Variants in NAALADL2 observed in about 807,000 individuals in gnomAD.
The protein encoded by NAALADL2 is N-acetylated alpha-linked acidic dipeptidase like 2.
NAALADL2 carries 76 observed loss-of-function variants against 87.2 expected under a neutral mutation model. The observed-to-expected ratio is 0.87, with a 90% confidence interval of 0.72 to 1.05. The LOEUF is 1.05. Ranked by LOEUF, NAALADL2 falls within the 50% of genes least tolerant of loss-of-function variation. NAALADL2 has a pLI of 0.00. For missense variants in NAALADL2, 1,089 were observed against 945.8 expected (o/e 1.15, Z -1.99); for synonymous variants, 354 against 331.0 (o/e 1.07, Z -0.75).
chr3:174,564,499 A>G (rs1202899694), intron 2 of NAALADL2, among the ~76,000 whole-genome samples: 1 of 152,166 alleles, frequency 6.6e-6, no homozygotes, highest in African/African-American at 2.4e-5. Flanking sequence ...TGTATGGTTT[A>G]GTGATGTACA....
chr3:175,779,058 G>T (rs1750652933), intron 13 of NAALADL2, among the ~76,000 whole-genome samples: 1 of 152,176 alleles, frequency 6.6e-6, no homozygotes. Context: ...GCAAGACAGA[G>T]GGGTGTGGGC....
At chr3:174,659,797 T>C (rs1284172589) in intron 2 of NAALADL2, among the ~76,000 whole-genome samples, 1 of 152,178 alleles carries the variant, frequency 6.6e-6, no homozygotes, top group Non-Finnish European at 1.5e-5. Context: ...GGTCGTTTTT[T>C]AATAGCTCCT....
intron 5 of NAALADL2, among the ~76,000 whole-genome samples, chr3:175,388,102 T>C (rs1768621994): frequency 6.6e-6 from 1 of 152,086 alleles, no homozygotes; most frequent in South Asian, 2.1e-4. Flanking sequence ...AAGGAAACTA[T>C]GATCTCCTAT....
In NAALADL2 at chr3:175,097,002, T is replaced by C. The variant is rs774896084; in HGVS notation, c.256T>C (p.Ser86Pro). The C allele has an allele frequency of 2.5e-6, 4 of 1,613,394 alleles. No homozygotes were observed. In the East Asian group the frequency reaches 8.9e-5, roughly 36 times the overall value. ...AGAGACTATAGACCTCAATCTTGATTCCATTCAACCAGCAACTTCACCCAA... is the reference window on the plus strand; with the variant it reads ...AGAGACTATAGACCTCAATCTTGATCCCATTCAACCAGCAACTTCACCCAA... ...HSETIDLNLDSIQPATSPKGR... is the reference protein window; with the variant it reads ...HSETIDLNLDPIQPATSPKGR... The change falls in exon 2 of 14, where the codon TCC (serine) becomes CCC (proline). Residue 86 changes from serine (S) to proline (P), a missense_variant. Coordinates refer to ENST00000454872, the MANE Select transcript of NAALADL2 (RefSeq NM_207015.3).
At chr3:174,926,522 C>T (rs1034373936) in intron 1 of NAALADL2, among the ~76,000 whole-genome samples, 2 of 152,122 alleles carry the variant, frequency 1.3e-5, no homozygotes, top group African/African-American at 4.8e-5. Flanking sequence ...AGAAACTCTA[C>T]AAGCCAGAAG....
intron 1 of NAALADL2, among the ~76,000 whole-genome samples, chr3:174,454,362 C>T (rs1460193320): frequency 6.6e-6 from 1 of 151,996 alleles, no homozygotes; most frequent in African/African-American, 2.4e-5. Flanking sequence ...TATTCAGGAC[C>T]TAAACTCAGC....
chr3:175,472,650 G>A (rs1560609491), intron 9 of NAALADL2, among the ~76,000 whole-genome samples: 1 of 152,148 alleles, frequency 6.6e-6, no homozygotes, highest in Non-Finnish European at 1.5e-5. Context: ...GAAGTGTAAT[G>A]CAAACTAAAC....
At chr3:174,882,576 CTT>C (rs1729393214) in intron 1 of NAALADL2, among the ~76,000 whole-genome samples, 1 of 138,806 alleles carries the variant, frequency 7.2e-6, no homozygotes, top group African/African-American at 3.2e-5. Flanking sequence ...TACATATGTG[CTT>C]ATACACATAT....
chr3:175,264,526 G>T (rs1751605437), intron 4 of NAALADL2, among the ~76,000 whole-genome samples: 1 of 151,672 alleles, frequency 6.6e-6, no homozygotes. Context: ...CTGCACCTTT[G>T]TGTTATTCAG....
At chr3:174,772,911 G>A (rs1468825652) in intron 3 of NAALADL2, among the ~76,000 whole-genome samples, 3 of 152,130 alleles carry the variant, frequency 2.0e-5, no homozygotes, top group Non-Finnish European at 2.9e-5. Flanking sequence ...ATTCTAAAAG[G>A]TGTTAAAGGA....
At chr3:174,638,743 G>A (rs193229792) in intron 2 of NAALADL2, among the ~76,000 whole-genome samples, 2 of 152,220 alleles carry the variant, frequency 1.3e-5, no homozygotes, top group Admixed American at 1.3e-4. Context: ...ATTGGTGAAG[G>A]AATTTTTCCA....
Position 174,822,631 on chromosome 3 carries a change from T to C in NAALADL2, c.-9+84885T>C, listed in dbSNP as rs115956053. 9.1e-3 allele frequency among the ~76,000 whole-genome samples: 1,383 copies of C among 152,244 alleles called. 14 individuals are homozygous for C. Among genetic ancestry groups the C allele is most frequent in the African/African-American group, 0.031 (1,275 of 41,554 alleles). On this transcript the variant is annotated intron_variant, in intron 3 of 3. Transcript: ENST00000434257. ...GAGCTGAGCTGGGTCTTGATTTATATGTAATATATGATGTATATATAGATA... is the reference window on the plus strand; with the variant it reads ...GAGCTGAGCTGGGTCTTGATTTATACGTAATATATGATGTATATATAGATA...
intron 1 of NAALADL2, among the ~76,000 whole-genome samples, chr3:174,481,161 G>C (rs1717522376): frequency 6.6e-6 from 1 of 152,156 alleles, no homozygotes; most frequent in South Asian, 2.1e-4. Context: ...GGGAAGTTTA[G>C]TAGGTAAACT....
intron 2 of NAALADL2, among the ~76,000 whole-genome samples, chr3:175,212,105 T>G (rs1305992167): frequency 2.0e-5 from 3 of 152,068 alleles, no homozygotes; most frequent in African/African-American, 7.2e-5. Context: ...ACTTTATTAC[T>G]CTCCCTTGAA....
chr3:174,981,658 G>A (rs567970371), intron 1 of NAALADL2, among the ~76,000 whole-genome samples: 8 of 152,144 alleles, frequency 5.3e-5, no homozygotes, highest in East Asian at 1.9e-4. Flanking sequence ...AGTCTGCGTC[G>A]CTTCGGATCA....
At chr3:174,779,527 T>C (rs1715671185) in intron 3 of NAALADL2, among the ~76,000 whole-genome samples, 1 of 152,196 alleles carries the variant, frequency 6.6e-6, no homozygotes, top group South Asian at 2.1e-4. Flanking sequence ...GCTTTTGGTG[T>C]TTTAGTCATG....
chr3:175,788,610 CAT>C (rs1752399679), intron 13 of NAALADL2, among the ~76,000 whole-genome samples: 1 of 152,128 alleles, frequency 6.6e-6, no homozygotes, highest in African/African-American at 2.4e-5. Context: ...CATGCCATCA[CAT>C]GTTTGCACAA....
intron 9 of NAALADL2, among the ~76,000 whole-genome samples, chr3:175,478,771 A>T (rs1244336574): frequency 1.3e-5 from 2 of 151,884 alleles, no homozygotes; most frequent in Non-Finnish European, 2.9e-5. Context: ...GGTATTAGTG[A>T]ATCACTACTG....
chr3:175,761,403 T>C (rs1033035289), intron 13 of NAALADL2, among the ~76,000 whole-genome samples: 6 of 152,232 alleles, frequency 3.9e-5, no homozygotes, highest in African/African-American at 1.4e-4. Flanking sequence ...GTATTCATTT[T>C]TGAAGGGCAT....
Sources: gnomAD v4.1 joint callset for allele counts (sites outside exome capture counted in the v4.1 genomes callset) on GRCh38, gnomAD v4.1.1 for gene constraint, MANE v1.5 for transcripts, NCBI Gene and HGNC (gene_info 2026-07-23, HGNC 2026-07-21) for gene names.